Variants in TTC6 observed in about 807,000 individuals in gnomAD.
TTC6 encodes tetratricopeptide repeat protein 6.
A neutral mutation model predicts 210.4 loss-of-function variants in TTC6; 172 were observed. The observed-to-expected ratio is 0.82, with a 90% CI of 0.72 to 0.93. TTC6 has a LOEUF of 0.93. Ranked by LOEUF, TTC6 falls within the 40% of genes least tolerant of loss-of-function variation. The pLI, the probability that TTC6 is intolerant of heterozygous loss-of-function variation, is 0.00. For synonymous variants in TTC6, 804 were observed against 819.6 expected, an observed-to-expected ratio of 0.98 and a Z score of 0.32; for missense variants, 2,414 against 2,318.1, an observed-to-expected ratio of 1.04 and a Z score of -0.85.
intron 26 of TTC6, among the ~76,000 whole-genome samples, chr14:37,819,930 A>G (rs887662408): frequency 6.6e-6 from 1 of 152,224 alleles, no homozygotes; most frequent in African/African-American, 2.4e-5. Flanking sequence ...GTAAGTTATC[A>G]TATTGCTCTA....
intron 18 of TTC6, among the ~76,000 whole-genome samples, chr14:37,795,818 C>T (rs75706951): frequency 6.6e-6 from 1 of 152,096 alleles, no homozygotes; most frequent in Non-Finnish European, 1.5e-5. Flanking sequence ...TGCAGTAGAA[C>T]TTTCTATAAA....
chr14:37,611,649 C>G (rs1046641716), intron 2 of TTC6, among the ~76,000 whole-genome samples: 1 of 151,800 alleles, frequency 6.6e-6, no homozygotes, highest in African/African-American at 2.4e-5. Flanking sequence ...GCTGTGGGGA[C>G]AAGAGAAAAA....
At chr14:37,768,780 G>C (rs1302165311) in intron 14 of TTC6, among the ~76,000 whole-genome samples, 2 of 152,132 alleles carry the variant, frequency 1.3e-5, no homozygotes, top group East Asian at 1.9e-4. Context: ...TTTCCTAATT[G>C]AATACCCTTT....
At chr14:37,792,753 C>G (rs1291988836) in intron 17 of TTC6, among the ~76,000 whole-genome samples, 3 of 148,316 alleles carry the variant, frequency 2.0e-5, no homozygotes, top group Non-Finnish European at 4.4e-5. Context: ...CTGCTATTAA[C>G]AATTTGAGTC....
At chr14:37,718,919 G>A (rs761566013) in intron 6 of TTC6, among the ~76,000 whole-genome samples, 1 of 151,966 alleles carries the variant, frequency 6.6e-6, no homozygotes, top group Non-Finnish European at 1.5e-5. Context: ...ACAACAGTGG[G>A]ATCCCCATGT....
chr14:37,733,023 C>T (rs2095892047), intron 7 of TTC6, among the ~76,000 whole-genome samples: 1 of 152,124 alleles, frequency 6.6e-6, no homozygotes, highest in African/African-American at 2.4e-5. Context: ...TTTTCTGAAC[C>T]CATGAAGTTC....
intron 14 of TTC6, among the ~76,000 whole-genome samples, chr14:37,785,665 G>A (rs893330733): frequency 2.6e-5 from 4 of 152,196 alleles, no homozygotes; most frequent in Admixed American, 1.3e-4. Flanking sequence ...TCCGTTGCTG[G>A]CGAGGAGCTG....
At chr14:37,712,624 A>G (rs2095846383) in intron 5 of TTC6, among the ~76,000 whole-genome samples, 1 of 152,122 alleles carries the variant, frequency 6.6e-6, no homozygotes, top group Non-Finnish European at 1.5e-5. Context: ...AGAAGCAAAC[A>G]TGTCCTTCTT....
intron 26 of TTC6, among the ~76,000 whole-genome samples, chr14:37,822,056 G>T (rs2096158839): frequency 6.6e-6 from 1 of 151,996 alleles, no homozygotes; most frequent in South Asian, 2.1e-4. Flanking sequence ...TGTGATTACA[G>T]GCGTGAGCCA....
intron 6 of TTC6, among the ~76,000 whole-genome samples, chr14:37,719,845 A>C (rs1484199545): frequency 2.0e-5 from 3 of 151,296 alleles, no homozygotes; most frequent in African/African-American, 7.3e-5. Context: ...AAAATAGATA[A>C]ATTGGACTTC....
At chr14:37,624,912 C>G (rs573333930) in intron 1 of TTC6, among the ~76,000 whole-genome samples, 103 of 152,172 alleles carry the variant, frequency 6.8e-4, no homozygotes, top group African/African-American at 2.3e-3. Flanking sequence ...TGAGCCACTG[C>G]GCCCGGCCCC....
In TTC6 at chr14:37,612,208, C is replaced by G. The variant is rs1298157379; in HGVS notation, c.-155+5466C>G. 2.6e-5 allele frequency among the ~76,000 whole-genome samples: 4 copies of G among 152,252 alleles called. No homozygotes were observed. In the East Asian group the frequency reaches 5.8e-4, roughly 22 times the overall value. On this transcript the variant is annotated intron_variant, in intron 2 of 2. Transcript: ENST00000556845. ...AACCGAACCTTTTCATTCTTCTGCC[C>G]TCTTTGCTCTTCATCCCTGCTTTTA... is the stretch of plus-strand genomic sequence containing the variant.
At chr14:37,740,625 C>A (rs1215462689) in intron 10 of TTC6, among the ~76,000 whole-genome samples, 1 of 152,152 alleles carries the variant, frequency 6.6e-6, no homozygotes, top group Non-Finnish European at 1.5e-5. Context: ...GAACAGAGGC[C>A]AACCATAGCG....
chr14:37,810,100 A>G (rs2139428697), intron 24 of TTC6, among the ~76,000 whole-genome samples: 1 of 152,396 alleles, frequency 6.6e-6, no homozygotes, highest in Admixed American at 6.5e-5. Flanking sequence ...TCTACCTGAG[A>G]GGATGTAAAA....
upstream of TTC6, among the ~76,000 whole-genome samples, chr14:37,617,485 G>A (rs1006816947): frequency 1.3e-5 from 2 of 152,044 alleles, no homozygotes; most frequent in African/African-American, 2.4e-5. Flanking sequence ...TTTTAAATGA[G>A]CACATGTAAG....
intron 6 of TTC6, among the ~76,000 whole-genome samples, chr14:37,715,779 A>G (rs966325125): frequency 6.6e-6 from 1 of 152,194 alleles, no homozygotes. Flanking sequence ...GAATCAAGAC[A>G]TTCTCAGATA....
intron 1 of TTC6, among the ~76,000 whole-genome samples, chr14:37,661,206 C>T (rs1249917169): frequency 6.6e-6 from 1 of 152,134 alleles, no homozygotes; most frequent in Non-Finnish European, 1.5e-5. Context: ...TCCCGTTTGT[C>T]AATTTTTGCT....
Position 37,696,276 on chromosome 14 carries a change from T to C in TTC6, c.1258-441T>C, listed in dbSNP as rs186195221. Among the ~76,000 whole-genome samples, 431 of 152,232 alleles carry C rather than the reference T, an allele frequency of 2.8e-3. 4 individuals are homozygous for C. The East Asian group carries it at 0.03, about 11-fold the overall frequency. On this transcript the variant is annotated intron_variant, in intron 3 of 30. Transcript: ENST00000553443. Reference sequence around the variant, plus strand: ...AACCCACAGAGAAAATATCTTTACATGAGTGATTACCATGAATTCTGCATA... The same window carrying C: ...AACCCACAGAGAAAATATCTTTACACGAGTGATTACCATGAATTCTGCATA...
At chr14:37,799,284 A>C (rs1022617971) in intron 20 of TTC6, among the ~76,000 whole-genome samples, 14 of 152,184 alleles carry the variant, frequency 9.2e-5, no homozygotes, top group Non-Finnish European at 1.5e-4. Flanking sequence ...TTTAGTATAA[A>C]AACTAAAAAA....
Sources: gnomAD v4.1 joint callset for allele counts (sites outside exome capture counted in the v4.1 genomes callset) on GRCh38, gnomAD v4.1.1 for gene constraint, MANE v1.5 for transcripts, NCBI Gene and HGNC (gene_info 2026-07-23, HGNC 2026-07-21) for gene names.